Variants in CASD1 observed in about 807,000 individuals in gnomAD.
CASD1 encodes the protein N-acetylneuraminate (7)9-O-acetyltransferase.
A neutral mutation model predicts 100.0 loss-of-function variants in CASD1; 41 were observed. The ratio of observed to expected loss-of-function variants is 0.41; its 90% CI spans 0.32 to 0.53. CASD1 has a LOEUF of 0.53. Among genes scored for constraint, CASD1 ranks in the 20% least tolerant of loss-of-function variants. The pLI, the probability that CASD1 is intolerant of heterozygous loss-of-function variation, is 0.25. For synonymous variants in CASD1, 321 were observed against 315.6 expected, an observed-to-expected ratio of 1.02 and a Z score of -0.18; for missense variants, 774 against 948.7, an observed-to-expected ratio of 0.82 and a Z score of 2.42.
At chr7:94,630,326 A>G in the CASD1 span, among the ~76,000 whole-genome samples, 33 of 151,862 alleles carry the variant, frequency 2.2e-4, no homozygotes, top group African/African-American at 6.8e-4. Flanking sequence ...GTCAGACTAT[A>G]TAACACTATC....
chr7:94,600,808 T>G, the CASD1 span: 3 of 1,613,056 alleles, frequency 1.9e-6, no homozygotes, highest in Non-Finnish European at 2.5e-6. Context: ...TAAAATCCCC[T>G]CTCCACGAAT....
At chr7:94,604,711 G>C in the CASD1 span, among the ~76,000 whole-genome samples, 1 of 149,602 alleles carries the variant, frequency 6.7e-6, no homozygotes, top group Non-Finnish European at 1.5e-5. Context: ...GAAGGCAAAT[G>C]AGAAGCATAT....
At chr7:94,564,044 G>A in the CASD1 span, among the ~76,000 whole-genome samples, 10 of 148,650 alleles carry the variant, frequency 6.7e-5, no homozygotes, top group Admixed American at 6.6e-4. Context: ...GGGATGTTTA[G>A]ATAGTTTAGA....
chr7:94,537,701 A>G lies in CASD1; in HGVS notation c.1073A>G (p.Asn358Ser), dbSNP rs756018948. The G allele has an allele frequency of 1.9e-6, 3 of 1,613,758 alleles. No homozygotes were observed. Among genetic ancestry groups the G allele is most frequent in the South Asian group, 1.1e-5 (1 of 91,084 alleles). The change falls in exon 9 of 18, where the codon AAT (asparagine) becomes AGT (serine). Residue 358 changes from asparagine (N) to serine (S), a missense_variant. Coordinates refer to ENST00000297273, the MANE Select transcript of CASD1 (RefSeq NM_022900.5). ...GGAGAGGAAAAGAAAAATATTATCA[A>G]TACCCCTGTGTCTTCATTAGAAATA... ...ESGEEKKNII[N>S]TPVSSLEILL...
At chr7:94,631,595 A>G in the CASD1 span, among the ~76,000 whole-genome samples, 1 of 152,102 alleles carries the variant, frequency 6.6e-6, no homozygotes, top group South Asian at 2.1e-4. Flanking sequence ...GAGATGTGGA[A>G]TTTCAGCATT....
In CASD1 at chr7:94,509,906, A is replaced by G; in HGVS notation, c.-179A>G. On this transcript the variant is annotated 5_prime_UTR_variant, in exon 1 of 18. Transcript: ENST00000297273. The stretch of plus-strand genomic sequence containing the variant: ...GAGTCGGCCGCGGCCGAGGAGGGGC[A>G]GGCGGAGGTCGGGGGCGCCGCGGCC... The G allele has an allele frequency of 9.1e-7, 1 of 1,101,352 alleles. No individual in the cohort carries two copies. The highest frequency in any genetic ancestry group is 1.1e-6 in the Non-Finnish European group (1 of 902,816). 68.2% of individuals were successfully genotyped at this position (1,101,352 alleles called of 1,614,324 possible).
chr7:94,578,775 TG>T, the CASD1 span, among the ~76,000 whole-genome samples: 1 of 152,172 alleles, frequency 6.6e-6, no homozygotes, highest in African/African-American at 2.4e-5. Flanking sequence ...AAGGGTAAGT[TG>T]ATACTGGGCA....
chr7:94,581,805 C>T, the CASD1 span, among the ~76,000 whole-genome samples: 1 of 152,168 alleles, frequency 6.6e-6, no homozygotes, highest in African/African-American at 2.4e-5. Context: ...TTCTACCTCT[C>T]TGCTGTTGTG....
chr7:94,631,598 T>G, the CASD1 span, among the ~76,000 whole-genome samples: 1 of 151,988 alleles, frequency 6.6e-6, no homozygotes, highest in Non-Finnish European at 1.5e-5. Context: ...ATGTGGAATT[T>G]CAGCATTTCA....
the CASD1 span, among the ~76,000 whole-genome samples, chr7:94,612,818 T>G: frequency 2.0e-5 from 3 of 152,192 alleles, no homozygotes; most frequent in African/African-American, 7.2e-5. Context: ...TCTCTCTTGG[T>G]GATTGACATC....
At chr7:94,627,965 A>AT in the CASD1 span, 1 of 494,414 alleles carries the variant, frequency 2.0e-6, no homozygotes. Flanking sequence ...TTAAGGTCAT[A>AT]TTTTTTTCAC....
At chr7:94,574,264 C>T in the CASD1 span, among the ~76,000 whole-genome samples, 1 of 152,052 alleles carries the variant, frequency 6.6e-6, no homozygotes, top group African/African-American at 2.4e-5. Flanking sequence ...AGGAGGAGTC[C>T]CACCTCCTTA....
chr7:94,552,873 GT>G (rs1228294606), intron 16 of CASD1, among the ~76,000 whole-genome samples: 7 of 152,258 alleles, frequency 4.6e-5, no homozygotes, highest in African/African-American at 1.7e-4. Context: ...GAAGGCGGAG[GT>G]TGCAGTGACC....
At chr7:94,548,952 A>T (rs1231204456) in intron 13 of CASD1, among the ~76,000 whole-genome samples, 1 of 151,954 alleles carries the variant, frequency 6.6e-6, no homozygotes, top group Non-Finnish European at 1.5e-5. Flanking sequence ...AAAACTGTAA[A>T]CTTTGTTTCA....
At chr7:94,535,194 C>A in intron 7 of CASD1, 115 bp from the exon 8 acceptor site, 1 of 718,432 alleles carries the variant, frequency 1.4e-6, no homozygotes, top group Non-Finnish European at 2.3e-6. Flanking sequence ...GTACCTGGTA[C>A]CATCTATACT....
chr7:94,559,158 A>G (rs1220207534), downstream of CASD1, among the ~76,000 whole-genome samples: 2 of 152,008 alleles, frequency 1.3e-5, no homozygotes, highest in East Asian at 1.9e-4. Context: ...CTGCCTTTCC[A>G]TATTAATAGT....
chr7:94,531,527 T>C (rs1288524636), intron 5 of CASD1, among the ~76,000 whole-genome samples: 3 of 152,082 alleles, frequency 2.0e-5, no homozygotes, highest in African/African-American at 7.2e-5. Flanking sequence ...AATGTAAGTT[T>C]TGGGAATGAG....
chr7:94,588,850 G>T, the CASD1 span: 37 of 1,071,736 alleles, frequency 3.5e-5, no homozygotes, highest in Non-Finnish European at 4.8e-5. Context: ...ATGTAATCCA[G>T]CACAATTCCC....
At chr7:94,615,419 TAGATAAAG>T in the CASD1 span, among the ~76,000 whole-genome samples, 2 of 121,610 alleles carry the variant, frequency 1.6e-5, no homozygotes, top group Non-Finnish European at 3.7e-5. Flanking sequence ...GATAGATAGA[TAGATAAAG>T]GGCAATTCTG....
Sources: allele counts gnomAD v4.1 joint callset (sites outside exome capture counted in the v4.1 genomes callset), GRCh38; gene constraint gnomAD v4.1.1; transcripts MANE v1.5; gene names NCBI Gene and HGNC (gene_info 2026-07-23, HGNC 2026-07-21).